The following OR9Q1 variants were observed in gnomAD, a reference collection of about 807,000 sequenced individuals.
The protein encoded by OR9Q1 is olfactory receptor 9Q1.
For missense variants in OR9Q1, 374 were observed against 378.8 expected (o/e 0.99, Z 0.11); for synonymous variants, 153 against 148.6 (o/e 1.03, Z -0.22).
At chr11:58,101,887 C>T (rs555585260) in intron 2 of OR9Q1, among the ~76,000 whole-genome samples, 187 of 152,224 alleles carry the variant, frequency 1.2e-3, no homozygotes, top group East Asian at 3.7e-3. Flanking sequence ...GCTGGGATTA[C>T]AGGTGTGCAC....
intron 1 of OR9Q1, chr11:58,030,858 A>C (rs1479418120): frequency 2.7e-6 from 2 of 747,980 alleles, no homozygotes; most frequent in Non-Finnish European, 4.6e-6. Context: ...CTGAAGTGAA[A>C]GGCATTTTAG....
intron 2 of OR9Q1, chr11:58,109,336 C>T: frequency 2.2e-6 from 1 of 460,434 alleles, no homozygotes; most frequent in South Asian, 1.5e-5. Context: ...ACACTCTGTG[C>T]CTGCACATAT....
intron 2 of OR9Q1, among the ~76,000 whole-genome samples, chr11:58,132,197 G>A (rs1006998065): frequency 1.3e-5 from 2 of 152,124 alleles, no homozygotes; most frequent in African/African-American, 4.8e-5. Flanking sequence ...AGTGCTTGTT[G>A]GAATGGTTCA....
At chr11:58,030,298 G>T (rs1853018655) in intron 1 of OR9Q1, among the ~76,000 whole-genome samples, 1 of 152,060 alleles carries the variant, frequency 6.6e-6, no homozygotes, top group South Asian at 2.1e-4. Flanking sequence ...GCCCTTCATG[G>T]TGTCCCAGCC....
At chr11:58,109,710 C>T (rs956111297) in intron 2 of OR9Q1, 12 of 388,814 alleles carry the variant, frequency 3.1e-5, no homozygotes, top group Non-Finnish European at 4.6e-5. Context: ...AATTGAGATT[C>T]CAGAACTAAA....
chr11:58,130,260 A>G, intron 2 of OR9Q1, among the ~76,000 whole-genome samples: 1 of 152,236 alleles, frequency 6.6e-6, no homozygotes, highest in East Asian at 1.9e-4. Context: ...CTGAGTTTAC[A>G]AAGAAATAGA....
chr11:58,152,710 G>A (rs1270878915), intron 2 of OR9Q1, among the ~76,000 whole-genome samples: 2 of 152,154 alleles, frequency 1.3e-5, no homozygotes, highest in Non-Finnish European at 2.9e-5. Context: ...AAAATTTGAT[G>A]TAGTTAGATT....
At chr11:58,119,128 A>T in intron 2 of OR9Q1, 1 of 1,614,042 alleles carries the variant, frequency 6.2e-7, no homozygotes, top group Non-Finnish European at 8.5e-7. Context: ...GCCTGCACAG[A>T]TGGTGAATAA....
At chr11:58,042,860 A>C (rs1853179174) in intron 1 of OR9Q1, among the ~76,000 whole-genome samples, 1 of 152,232 alleles carries the variant, frequency 6.6e-6, no homozygotes, top group South Asian at 2.1e-4. Context: ...GAGGTCCTTC[A>C]CATCCCTTGT....
At chr11:58,157,947 T>C (rs1026010710) in intron 2 of OR9Q1, among the ~76,000 whole-genome samples, 3 of 152,204 alleles carry the variant, frequency 2.0e-5, no homozygotes, top group Non-Finnish European at 4.4e-5. Flanking sequence ...TCAGGCTCTC[T>C]TAGTCAGGGA....
intron 1 of OR9Q1, among the ~76,000 whole-genome samples, chr11:58,037,621 A>G (rs555681401): frequency 2.1e-4 from 28 of 135,770 alleles, no homozygotes; most frequent in Admixed American, 1.7e-3. Context: ...AGTGTCAGTA[A>G]AGTTTACCAT....
chr11:58,168,832 C>T (rs1348630119), intron 2 of OR9Q1, among the ~76,000 whole-genome samples: 3 of 152,118 alleles, frequency 2.0e-5, no homozygotes, highest in African/African-American at 7.2e-5. Context: ...TAGTTGTCCC[C>T]CTTAACTGTT....
At chr11:58,109,450 G>A (rs770653933) in intron 2 of OR9Q1, 11 of 462,124 alleles carry the variant, frequency 2.4e-5, no homozygotes, top group South Asian at 4.6e-5. Flanking sequence ...GGCACAGCAG[G>A]CATCCAGGAA....
In OR9Q1 at chr11:58,172,549, T is replaced by A. The variant is rs1020349989; in HGVS notation, c.-14-6882T>A. On this transcript the variant is annotated intron_variant, in intron 2 of 2. Coordinates refer to ENST00000335397, the MANE Select transcript of OR9Q1 (RefSeq NM_001005212.4). ...GGTTGGTATTATTATTGCCAATTTG[T>A]AGATGAGGAAGTCAAAATACCAAGA... Among the ~76,000 whole-genome samples, 7 of 152,298 alleles carry A rather than the reference T, an allele frequency of 4.6e-5. 1 individual carries two copies. The highest frequency in any genetic ancestry group is 6.5e-5 in the Admixed American group (1 of 15,286).
intron 2 of OR9Q1, among the ~76,000 whole-genome samples, chr11:58,142,201 C>T (rs1050865396): frequency 2.6e-5 from 4 of 152,034 alleles, no homozygotes; most frequent in African/African-American, 9.7e-5. Flanking sequence ...TACCAACTTC[C>T]ATCATGGTAG....
intron 2 of OR9Q1, chr11:58,117,708 C>T (rs1853970890): frequency 6.6e-6 from 1 of 152,078 alleles, no homozygotes; most frequent in Non-Finnish European, 1.5e-5. Flanking sequence ...AGAACTGTTC[C>T]TGAGACACGC....
rs1361345914 is a variant in OR9Q1, at chr11:58,055,516, AGGCTGGATGTGGT to A, written c.-92-349_-92-337del. Among the ~76,000 whole-genome samples the A allele has an allele frequency of 3.9e-5, 6 of 152,160 alleles. No homozygotes were observed. In the South Asian group the frequency reaches 1.0e-3, roughly 26 times the overall value. ...TAGTTCTTTGTAAAAGGGCTGGAGG[AGGCTGGATGTGGT>A]GGCTTACGTCTGTAATCCCAGCACT... On this transcript the variant is annotated intron_variant, in intron 1 of 2. Transcript: ENST00000335397.
At chr11:58,098,245 A>G (rs1348327019) in intron 2 of OR9Q1, among the ~76,000 whole-genome samples, 3 of 152,120 alleles carry the variant, frequency 2.0e-5, no homozygotes, top group Non-Finnish European at 2.9e-5. Context: ...TCTTAATTAT[A>G]GATTCAATTT....
intron 2 of OR9Q1, among the ~76,000 whole-genome samples, chr11:58,169,583 C>A (rs1221256367): frequency 1.3e-5 from 2 of 152,150 alleles, no homozygotes; most frequent in Non-Finnish European, 2.9e-5. Context: ...TGAATTCAAT[C>A]TTTTCCACTG....
Sources: allele counts gnomAD v4.1 joint callset (sites outside exome capture counted in the v4.1 genomes callset), GRCh38; gene constraint gnomAD v4.1.1; transcripts MANE v1.5; gene names NCBI Gene and HGNC (gene_info 2026-07-23, HGNC 2026-07-21).